The following PMM2 variants were observed in gnomAD, a reference collection of about 807,000 sequenced individuals.
The protein encoded by PMM2 is phosphomannomutase 2, also known as mannose-6-phosphate isomerase.
PMM2 carries 35 observed loss-of-function variants against 33.2 expected under a neutral mutation model. The observed-to-expected ratio is 1.06, with a 90% CI of 0.81 to 1.40. The LOEUF (loss-of-function observed/expected upper bound fraction) is 1.40. Ranked by LOEUF, PMM2 falls within the 40% of genes most tolerant of loss-of-function variation. PMM2 has a pLI of 0.00. For synonymous variants in PMM2, 153 were observed against 114.7 expected, an observed-to-expected ratio of 1.33 and a Z score of -2.13; for missense variants, 386 against 306.0, an observed-to-expected ratio of 1.26 and a Z score of -1.95.
chr16:8,821,896 G>C (rs2060741346), intron 7 of PMM2, among the ~76,000 whole-genome samples: 1 of 152,262 alleles, frequency 6.6e-6, no homozygotes, highest in African/African-American at 2.4e-5. Flanking sequence ...GCCAGGGAGA[G>C]CCACTACTGC....
chr16:8,837,168 G>C (rs2060854997), intron 7 of PMM2, among the ~76,000 whole-genome samples: 1 of 151,922 alleles, frequency 6.6e-6, no homozygotes, highest in South Asian at 2.1e-4. Flanking sequence ...GAAGATTTGG[G>C]ACGAGTTGCA....
intron 6 of PMM2, among the ~76,000 whole-genome samples, chr16:8,812,044 A>G (rs1596489325): frequency 6.6e-6 from 1 of 152,214 alleles, no homozygotes; most frequent in Non-Finnish European, 1.5e-5. Flanking sequence ...TGGGCAGAAG[A>G]GAAGCACTAT....
chr16:8,833,110 C>G (rs965425463), intron 7 of PMM2, among the ~76,000 whole-genome samples: 17 of 152,320 alleles, frequency 1.1e-4, no homozygotes, highest in South Asian at 2.1e-4. Context: ...TTTTTTTCAC[C>G]TGGGTGCAGG....
chr16:8,832,659 T>G (rs2060817627), intron 7 of PMM2: 4 of 985,418 alleles, frequency 4.1e-6, no homozygotes, highest in Non-Finnish European at 4.8e-6. Flanking sequence ...TCCCTTCAAT[T>G]GCGTCCTCAC....
intron 7 of PMM2, among the ~76,000 whole-genome samples, chr16:8,823,961 C>G (rs991508517): frequency 1.3e-5 from 2 of 152,216 alleles, no homozygotes; most frequent in African/African-American, 4.8e-5. Flanking sequence ...TAACCGGCAT[C>G]TCTAATTGTA....
chr16:8,836,984 G>C (rs2060852735), intron 7 of PMM2, among the ~76,000 whole-genome samples: 1 of 152,090 alleles, frequency 6.6e-6, no homozygotes, highest in African/African-American at 2.4e-5. Context: ...CCAGGTGTGA[G>C]GAGGGGAGGT....
intron 4 of PMM2, chr16:8,807,949 C>A (rs2060656336): frequency 6.6e-6 from 1 of 152,176 alleles, no homozygotes; most frequent in Non-Finnish European, 1.5e-5. Flanking sequence ...TTAACAGTGG[C>A]TATTTCTTGA....
At position 8,797,887 on chromosome 16, in the gene PMM2, C is replaced by T. The variant is rs2060588254; in HGVS notation, c.5C>T (p.Ala2Val). 3 of 1,611,338 alleles carry T rather than the reference C, an allele frequency of 1.9e-6. No homozygotes were observed. The highest frequency in any genetic ancestry group is 2.2e-5 in the South Asian group (2 of 90,562). ...GTGCGGCTAGAAACTGGGGACATGG[C>T]AGCGCCTGGCCCAGCGCTCTGCCTC... M[A>V]APGPALCLFD... Residue 2 changes from alanine (A) to valine (V), a missense_variant, in exon 1 of 8, where the codon GCA becomes GTA. Transcript: ENST00000268261.
intron 7 of PMM2, among the ~76,000 whole-genome samples, chr16:8,814,683 T>C (rs1477938856): frequency 6.6e-6 from 1 of 152,242 alleles, no homozygotes; most frequent in African/African-American, 2.4e-5. Context: ...GAAGTCTACC[T>C]GTTCTTTGTA....
intron 7 of PMM2, among the ~76,000 whole-genome samples, chr16:8,827,906 TTA>T (rs576231854): frequency 6.5e-4 from 74 of 114,444 alleles, no homozygotes; most frequent in Non-Finnish European, 9.9e-4. Flanking sequence ...ATGATATATA[TTA>T]TATATATTAT....
At chr16:8,837,576 A>G (rs2060858618) in intron 7 of PMM2, among the ~76,000 whole-genome samples, 1 of 151,672 alleles carries the variant, frequency 6.6e-6, no homozygotes, top group Non-Finnish European at 1.5e-5. Context: ...GGGGCACGGA[A>G]ATAAGGGATT....
chr16:8,803,865 G>C (rs2060629374), intron 2 of PMM2, among the ~76,000 whole-genome samples: 1 of 151,078 alleles, frequency 6.6e-6, no homozygotes, highest in Middle Eastern at 3.2e-3. Flanking sequence ...TGTATTTTTA[G>C]TAGAGACGGG....
chr16:8,825,754 C>CTT (rs1282896284), intron 7 of PMM2, among the ~76,000 whole-genome samples: 4 of 118,066 alleles, frequency 3.4e-5, no homozygotes, highest in African/African-American at 1.3e-4. Context: ...AAATAAAACA[C>CTT]TATTTTTTTT....
At chr16:8,832,625 C>T (rs1487529905) in intron 7 of PMM2, 39 of 985,398 alleles carry the variant, frequency 4.0e-5, no homozygotes, top group East Asian at 2.3e-4. Context: ...GCACCCTGGC[C>T]GGCTGCAGGA....
At chr16:8,811,468 T>C (rs1214796498) in intron 5 of PMM2, among the ~76,000 whole-genome samples, 170 bp from the exon 6 acceptor site, 1 of 152,228 alleles carries the variant, frequency 6.6e-6, no homozygotes, top group Non-Finnish European at 1.5e-5. Context: ...TGCTGTGAGC[T>C]ATGATCATGC....
chr16:8,826,431 G>T (rs909688417), intron 7 of PMM2, among the ~76,000 whole-genome samples: 2 of 152,096 alleles, frequency 1.3e-5, no homozygotes, highest in Non-Finnish European at 2.9e-5. Flanking sequence ...ACCTCCATAT[G>T]TCCCCAGGCC....
In PMM2 at chr16:8,802,825, C is replaced by T. The variant is rs1045019748; in HGVS notation, c.178+915C>T. ...AGCCTGGGCAATAAGAACGAAACTC[C>T]GTCTTGGAAAAAAAAAAAAATTATA... On this transcript the variant is annotated intron_variant, in intron 2 of 7. Coordinates refer to ENST00000268261, the MANE Select transcript of PMM2 (RefSeq NM_000303.3). Among the ~76,000 whole-genome samples the T allele has an allele frequency of 3.6e-4, 24 of 66,946 alleles. 1 individual carries two copies. Among genetic ancestry groups the T allele is most frequent in the Non-Finnish European group, 5.7e-4 (18 of 31,442 alleles). The allele number at this position is 66,946 out of a possible 152,430, so 43.9% of individuals were successfully genotyped here.
At chr16:8,826,952 T>A (rs1168615873) in intron 7 of PMM2, among the ~76,000 whole-genome samples, 1 of 152,178 alleles carries the variant, frequency 6.6e-6, no homozygotes, top group East Asian at 1.9e-4. Context: ...TTTTCTCATA[T>A]AAATTTCTTT....
In PMM2 at chr16:8,834,315, C is replaced by T. The variant is rs1247140959; in HGVS notation, c.640-13409C>T. Among the ~76,000 whole-genome samples, 12 of 152,212 alleles carry T rather than the reference C, an allele frequency of 7.9e-5. No individual in the cohort carries two copies. In the South Asian group the frequency reaches 2.5e-3, roughly 32 times the overall value. On this transcript the variant is annotated intron_variant, in intron 7 of 7. Transcript: ENST00000268261. ...TGAAGGTTCCACTGAATACTAAGAG[C>T]CTGAGAAACTGCTTGGGTGATTTGA...
Sources: allele counts gnomAD v4.1 joint callset (sites outside exome capture counted in the v4.1 genomes callset), GRCh38; gene constraint gnomAD v4.1.1; transcripts MANE v1.5; gene names NCBI Gene and HGNC (gene_info 2026-07-23, HGNC 2026-07-21).